RIC8B: variants seen among roughly 807,000 people sequenced by gnomAD.
The protein encoded by RIC8B is chaperone Ric-8B.
RIC8B carries 16 observed loss-of-function variants against 57.5 expected under a neutral mutation model. The ratio of observed to expected loss-of-function variants is 0.28; its 90% confidence interval spans 0.19 to 0.42. The LOEUF (loss-of-function observed/expected upper bound fraction) is 0.42, where lower values mean the gene tolerates loss of function less well. RIC8B is among the 10% of genes least tolerant of loss of function. The pLI is 1.00. For synonymous variants in RIC8B, 216 were observed against 250.8 expected, an observed-to-expected ratio of 0.86 and a Z score of 1.31; for missense variants, 481 against 677.0, an observed-to-expected ratio of 0.71 and a Z score of 3.21.
chr12:106,819,376 C>T (rs2045734206), intron 3 of RIC8B, among the ~76,000 whole-genome samples: 1 of 152,072 alleles, frequency 6.6e-6, no homozygotes, highest in Non-Finnish European at 1.5e-5. Flanking sequence ...GGTTCTTCAA[C>T]CCAAAAGAAA....
chr12:106,885,323 A>G (rs900413450), intron 9 of RIC8B, among the ~76,000 whole-genome samples: 1 of 152,084 alleles, frequency 6.6e-6, no homozygotes, highest in Non-Finnish European at 1.5e-5. Context: ...GAGGAGGAGG[A>G]GGAAAGAAAG....
At chr12:106,800,955 A>G (rs995468630) in intron 2 of RIC8B, among the ~76,000 whole-genome samples, 5 of 152,248 alleles carry the variant, frequency 3.3e-5, no homozygotes, top group African/African-American at 9.6e-5. Flanking sequence ...TGTATAATCA[A>G]ACTATAGCTT....
chr12:106,825,146 T>C (rs1028064926), intron 3 of RIC8B, among the ~76,000 whole-genome samples: 1 of 152,238 alleles, frequency 6.6e-6, no homozygotes, highest in Non-Finnish European at 1.5e-5. Flanking sequence ...ATTCAGGGCT[T>C]AGTTTATTTC....
intron 2 of RIC8B, among the ~76,000 whole-genome samples, chr12:106,808,722 A>G (rs2045183100): frequency 6.6e-6 from 1 of 152,218 alleles, no homozygotes; most frequent in Non-Finnish European, 1.5e-5. Context: ...TCTAAGTAGC[A>G]CTTGCCTCAA....
chr12:106,870,826 T>C lies in RIC8B; in HGVS notation c.1455T>C (p.Ile485=). The change falls in exon 9 of 10, where the codon ATT becomes ATC. Residue 485 remains isoleucine, a synonymous_variant. Coordinates refer to ENST00000392837, the MANE Select transcript of RIC8B (RefSeq NM_001330145.2). ...TEEYKNAKPN[I]NLITGHLEEP... Reference sequence around the variant, plus strand: ...TAACTTTTTTTTCTTTTTGTAGCATTAATCTTATCACTGGTCATTTAGAGG... The same window carrying C: ...TAACTTTTTTTTCTTTTTGTAGCATCAATCTTATCACTGGTCATTTAGAGG... The C allele has an allele frequency of 6.6e-7, 1 of 1,515,242 alleles. No homozygotes were observed. The highest frequency in any genetic ancestry group is 8.8e-7 in the Non-Finnish European group (1 of 1,130,422). The allele number at this position is 1,515,242 out of a possible 1,614,324, so 93.9% of individuals were successfully genotyped here. A position where few individuals can be genotyped will look rare whatever the true frequency, so the allele number is the denominator to read the frequency against.
intron 5 of RIC8B, 117 bp downstream of exon 5, chr12:106,842,934 A>G: frequency 1.7e-6 from 1 of 603,956 alleles, no homozygotes; most frequent in South Asian, 2.5e-5. Context: ...TTTCTGACTG[A>G]TGTGCTGCAT....
chr12:106,885,785 A>T, intron 9 of RIC8B, 119 bp from the exon 10 acceptor site: 1 of 620,022 alleles, frequency 1.6e-6, no homozygotes, highest in Non-Finnish European at 2.8e-6. Flanking sequence ...TCAAGGGAAA[A>T]TACTTTGGTT....
intron 2 of RIC8B, among the ~76,000 whole-genome samples, chr12:106,794,311 G>A (rs1403284676): frequency 6.6e-6 from 1 of 151,968 alleles, no homozygotes; most frequent in Non-Finnish European, 1.5e-5. Context: ...TTAGAGAATT[G>A]TGGAATAACA....
chr12:106,819,622 T>C (rs1354086160), intron 3 of RIC8B, among the ~76,000 whole-genome samples: 3 of 151,358 alleles, frequency 2.0e-5, no homozygotes, highest in Non-Finnish European at 4.4e-5. Context: ...TATCCAGGTA[T>C]TGTGGCATGT....
At chr12:106,801,406 G>A (rs907490530) in intron 2 of RIC8B, among the ~76,000 whole-genome samples, 21 of 152,108 alleles carry the variant, frequency 1.4e-4, no homozygotes, top group African/African-American at 4.8e-4. Context: ...TTGTTTCTCA[G>A]AACTTTATTT....
At chr12:106,819,489 C>T (rs938170004) in intron 3 of RIC8B, among the ~76,000 whole-genome samples, 5 of 152,038 alleles carry the variant, frequency 3.3e-5, no homozygotes, top group South Asian at 2.1e-4. Context: ...TGGTGGCTCA[C>T]GCCTGTAATG....
intron 4 of RIC8B, 72 bp from the exon 5 acceptor site, chr12:106,842,514 ACTT>A (rs1948996964): frequency 1.6e-6 from 2 of 1,214,258 alleles, no homozygotes; most frequent in South Asian, 1.4e-5. Flanking sequence ...TCACTTTTGA[ACTT>A]CTTATTATGT....
At chr12:106,857,032 G>A (rs781762755) in intron 7 of RIC8B, among the ~76,000 whole-genome samples, 3 of 152,150 alleles carry the variant, frequency 2.0e-5, no homozygotes, top group Non-Finnish European at 4.4e-5. Flanking sequence ...AATGTGTGAG[G>A]AATCTTTAGG....
intron 2 of RIC8B, among the ~76,000 whole-genome samples, chr12:106,810,786 A>G (rs1222949420): frequency 2.0e-5 from 3 of 152,218 alleles, no homozygotes; most frequent in African/African-American, 7.2e-5. Context: ...GGACTTTGAC[A>G]TTTTACCTTA....
At chr12:106,859,954 G>T (rs2136515251) in intron 7 of RIC8B, among the ~76,000 whole-genome samples, 1 of 152,188 alleles carries the variant, frequency 6.6e-6, no homozygotes, top group East Asian at 1.9e-4. Flanking sequence ...TAAATAGTAA[G>T]ATCTGAGATC....
intron 8 of RIC8B, among the ~76,000 whole-genome samples, chr12:106,865,692 T>C (rs7977247): frequency 0.45 from 68,012 of 151,928 alleles, 15,654 homozygotes; most frequent in African/African-American, 0.55. Context: ...TTCTCACTGG[T>C]CTTGTTGCTT....
chr12:106,788,803 A>G (rs1356957624), intron 2 of RIC8B, among the ~76,000 whole-genome samples: 1 of 152,150 alleles, frequency 6.6e-6, no homozygotes, highest in African/African-American at 2.4e-5. Flanking sequence ...CGGGTCTGTA[A>G]TGGGAGGGGC....
At chr12:106,831,428 A>G (rs2046348331) in intron 4 of RIC8B, among the ~76,000 whole-genome samples, 2 of 152,148 alleles carry the variant, frequency 1.3e-5, no homozygotes, top group Admixed American at 1.3e-4. Flanking sequence ...TCCCACTTTC[A>G]TCCTATGTAT....
intron 1 of RIC8B, among the ~76,000 whole-genome samples, 193 bp from the exon 2 acceptor site, chr12:106,783,804 A>G (rs999651520): frequency 6.6e-6 from 1 of 152,136 alleles, no homozygotes; most frequent in Admixed American, 6.5e-5. Context: ...TTGTATATAT[A>G]TCTGCTGTAG....
Sources: allele counts gnomAD v4.1 joint callset (sites outside exome capture counted in the v4.1 genomes callset), GRCh38; gene constraint gnomAD v4.1.1; transcripts MANE v1.5; gene names NCBI Gene and HGNC (gene_info 2026-07-23, HGNC 2026-07-21).